The following BASP1 variants were observed in gnomAD, a reference collection of about 807,000 sequenced individuals.
BASP1 encodes brain acid soluble protein 1.
Under a neutral mutation model 2.2 loss-of-function variants are expected in BASP1, and 1 was observed. The observed-to-expected ratio is 0.46, with a 90% CI of 0.16 to 2.17. The LOEUF (loss-of-function observed/expected upper bound fraction) is 2.17. BASP1 is among the 30% of genes most tolerant of loss of function. The pLI is 0.27. For synonymous variants in BASP1, 187 were observed against 154.2 expected, an observed-to-expected ratio of 1.21 and a Z score of -1.58; for missense variants, 352 against 327.2, an observed-to-expected ratio of 1.08 and a Z score of -0.58.
intron 1 of BASP1, among the ~76,000 whole-genome samples, chr5:17,274,765 A>G (rs1561179361): frequency 6.6e-6 from 1 of 151,972 alleles, no homozygotes; most frequent in South Asian, 2.1e-4. Context: ...TGTTTTAAAA[A>G]CTCATTTAAA....
chr5:17,221,292 TGGAATAAA>T (rs1561162602), intron 1 of BASP1, among the ~76,000 whole-genome samples: 1 of 151,980 alleles, frequency 6.6e-6, no homozygotes, highest in Non-Finnish European at 1.5e-5. Context: ...CTTTACAAGC[TGGAATAAA>T]CAATGCCTAC....
chr5:17,246,436 C>T (rs1372528551), intron 1 of BASP1, among the ~76,000 whole-genome samples: 2 of 152,028 alleles, frequency 1.3e-5, no homozygotes, highest in African/African-American at 2.4e-5. Context: ...TGCGGTGAGC[C>T]GAGATGGCAC....
Position 17,260,182 on chromosome 5 carries a change from G to A in BASP1, c.-9-15026G>A, listed in dbSNP as rs953461955. Among the ~76,000 whole-genome samples, 5 of 152,162 alleles carry A rather than the reference G, an allele frequency of 3.3e-5. No homozygotes were observed. The highest frequency in any genetic ancestry group is 1.9e-4 in the East Asian group (1 of 5,196). On this transcript the variant is annotated intron_variant, in intron 1 of 1. Transcript: ENST00000322611. This position sits in a 1 kb window ranked among gnomAD's most constrained non-coding sequence, Gnocchi z 4.2. ...CTAAAAAGCATATTAGACTATTGAC[G>A]AGAATGAATAATGCATGTTTCCTGA...
intron 1 of BASP1, among the ~76,000 whole-genome samples, chr5:17,232,227 A>G (rs1739646135): frequency 6.6e-6 from 1 of 152,208 alleles, no homozygotes; most frequent in African/African-American, 2.4e-5. Context: ...ACACAACACG[A>G]TGAGTGAAAG....
At chr5:17,266,535 G>A (rs572544452) in intron 1 of BASP1, among the ~76,000 whole-genome samples, 2 of 152,238 alleles carry the variant, frequency 1.3e-5, no homozygotes, top group South Asian at 2.1e-4. Context: ...GGTGGGGCAT[G>A]GTGGCTCACG....
chr5:17,222,235 T>A (rs1375909360), intron 1 of BASP1, among the ~76,000 whole-genome samples: 7 of 152,142 alleles, frequency 4.6e-5, no homozygotes, highest in African/African-American at 1.7e-4. Context: ...TATTTGAAAT[T>A]CTGTATTATA....
In BASP1 at chr5:17,228,723, G is replaced by T. The variant is rs115616717; in HGVS notation, c.-10+10913G>T. On this transcript the variant is annotated intron_variant, in intron 1 of 1. Transcript: ENST00000322611. ...GACCAGTTGGCAGATTGGGACACAC[G>T]TACAAACACTATTCCTTTAACTTGC... is the stretch of plus-strand genomic sequence containing the variant. 8.5e-3 allele frequency among the ~76,000 whole-genome samples: 1,299 copies of T among 152,290 alleles called. 24 individuals are homozygous for T. The highest frequency in any genetic ancestry group is 0.029 in the African/African-American group (1,218 of 41,542).
chr5:17,238,572 A>G (rs750363867), intron 1 of BASP1, among the ~76,000 whole-genome samples: 1 of 152,154 alleles, frequency 6.6e-6, no homozygotes, highest in African/African-American at 2.4e-5. Context: ...TGATCCCCAG[A>G]TAGTCTCATC....
At chr5:17,266,770 C>T (rs976218975) in intron 1 of BASP1, among the ~76,000 whole-genome samples, 1 of 149,428 alleles carries the variant, frequency 6.7e-6, no homozygotes, top group African/African-American at 2.5e-5. Context: ...CGAGATCGCG[C>T]CACTGCGCTC....
chr5:17,233,161 G>T (rs1468036484), intron 1 of BASP1, among the ~76,000 whole-genome samples: 2 of 152,140 alleles, frequency 1.3e-5, no homozygotes, highest in East Asian at 3.8e-4. Context: ...CTTCTGGTTT[G>T]CATATTAAAA....
upstream of BASP1, chr5:17,217,053 G>GGAGAGAGAGAGAGAGAGAGAGAGAGAGA (rs146244333): frequency 2.9e-5 from 3 of 104,144 alleles, no homozygotes; most frequent in Non-Finnish European, 4.0e-5. Context: ...TAAATGAGGG[G>GGAGAGAGAGAGAGAGAGAGAGAGAGAGA]GAGAGAGAGA....
At chr5:17,246,809 C>T (rs1224267787) in intron 1 of BASP1, among the ~76,000 whole-genome samples, 1 of 152,096 alleles carries the variant, frequency 6.6e-6, no homozygotes, top group Non-Finnish European at 1.5e-5. Context: ...ATTTTTGCTC[C>T]CTCTTAGCCT....
At position 17,251,017 on chromosome 5, in the gene BASP1, C is replaced by T. The variant is rs1162593204; in HGVS notation, c.-9-24191C>T. ...GAAAACCTAAAACTAAAATGGCTTA[C>T]GTGAGAGAAAAGGTTAACTCTTCAT... is the stretch of plus-strand genomic sequence containing the variant. On this transcript the variant is annotated intron_variant, in intron 1 of 1. Transcript: ENST00000322611. The surrounding 1 kb of genome is among the most constrained non-coding windows in gnomAD (Gnocchi z 4.0). 6.6e-6 allele frequency among the ~76,000 whole-genome samples: 1 copy of T among 152,140 alleles called. No individual in the cohort carries two copies. The highest frequency in any genetic ancestry group is 6.5e-5 in the Admixed American group (1 of 15,280).
rs748574881 is a variant in BASP1, at chr5:17,275,767, A to G, written c.551A>G (p.Lys184Arg). The change falls in exon 2 of 2, where the codon AAG (lysine) becomes AGG (arginine). Residue 184 changes from lysine (K) to arginine (R), a missense_variant. Coordinates refer to ENST00000322611, the MANE Select transcript of BASP1 (RefSeq NM_006317.5). This position sits in a 1 kb window ranked among gnomAD's most constrained non-coding sequence, Gnocchi z 5.3. ...AGCTCGGAGGCTGCCCCCTCTTCCA[A>G]GGAGACCCCCGCAGCCACGGAAGCG... ...PGSSEAAPSS[K>R]ETPAATEAPS... 9 of 1,612,690 alleles carry G rather than the reference A, an allele frequency of 5.6e-6. No individual in the cohort carries two copies. Among genetic ancestry groups the G allele is most frequent in the African/African-American group, 2.7e-5 (2 of 74,858 alleles).
At chr5:17,234,556 CA>C (rs1739701439) in intron 1 of BASP1, among the ~76,000 whole-genome samples, 1 of 152,116 alleles carries the variant, frequency 6.6e-6, no homozygotes, top group Non-Finnish European at 1.5e-5. Flanking sequence ...TTTTTGTATA[CA>C]AATGAACAGC....
rs2896250 is a variant in BASP1, at chr5:17,236,792, C to T, written c.-10+18982C>T. On this transcript the variant is annotated intron_variant, in intron 1 of 1. Transcript: ENST00000322611. The surrounding 1 kb of genome is among the most constrained non-coding windows in gnomAD (Gnocchi z 4.0). The stretch of plus-strand genomic sequence containing the variant: ...AATATGGTGAGCAATGCACTCTTAA[C>T]TAGACCCATATCTTAAGGGAAAAAA... Among the ~76,000 whole-genome samples, 1 of 152,182 alleles carries T rather than the reference C, an allele frequency of 6.6e-6. No individual in the cohort carries two copies. Among genetic ancestry groups the T allele is most frequent in the Non-Finnish European group, 1.5e-5 (1 of 68,038 alleles).
At chr5:17,245,658 T>C (rs1254335469) in intron 1 of BASP1, among the ~76,000 whole-genome samples, 2 of 151,840 alleles carry the variant, frequency 1.3e-5, no homozygotes, top group Non-Finnish European at 2.9e-5. Context: ...TTTTTTTTTC[T>C]CTAGGCAGAA....
In BASP1 at chr5:17,260,069, A is replaced by G. The variant is rs924406602; in HGVS notation, c.-9-15139A>G. On this transcript the variant is annotated intron_variant, in intron 1 of 1. Coordinates refer to ENST00000322611, the MANE Select transcript of BASP1 (RefSeq NM_006317.5). The surrounding 1 kb of genome is among the most constrained non-coding windows in gnomAD (Gnocchi z 4.2). ...CCAAAAGAGCAGGTGATTCATGTAA[A>G]ATCATATGTTAGGCTGCAATAACTG... 6.6e-6 allele frequency among the ~76,000 whole-genome samples: 1 copy of G among 152,202 alleles called. No individual in the cohort carries two copies. Among genetic ancestry groups the G allele is most frequent in the African/African-American group, 2.4e-5 (1 of 41,448 alleles).
At chr5:17,253,452 A>G (rs578033188) in intron 1 of BASP1, among the ~76,000 whole-genome samples, 2 of 152,304 alleles carry the variant, frequency 1.3e-5, no homozygotes, top group Admixed American at 1.3e-4. Context: ...GACTGAAGTG[A>G]TCCTCCTACC....
Sources: allele counts gnomAD v4.1 joint callset (sites outside exome capture counted in the v4.1 genomes callset), GRCh38; gene constraint gnomAD v4.1.1; non-coding constraint Gnocchi (gnomAD v3.1); transcripts MANE v1.5; gene names NCBI Gene and HGNC (gene_info 2026-07-23, HGNC 2026-07-21).